KLHL33: variants seen among roughly 807,000 people sequenced by gnomAD.
The protein encoded by KLHL33 is kelch like family member 33.
In KLHL33, 46 loss-of-function variants were observed where a neutral mutation model predicts 60.8. That is an observed-to-expected ratio of 0.76 (90% confidence interval 0.60 to 0.97). The LOEUF (loss-of-function observed/expected upper bound fraction) is 0.97, where lower values mean the gene tolerates loss of function less well. Among genes scored for constraint, KLHL33 ranks in the 50% least tolerant of loss-of-function variants. The probability of loss-of-function intolerance (pLI) is 0.00; values close to 1 mark genes in which losing one functional copy is unlikely to be tolerated. For missense variants in KLHL33, 1,055 were observed against 1,000.0 expected (o/e 1.05, Z -0.74); for synonymous variants, 434 against 432.2 (o/e 1.00, Z -0.05).
In KLHL33 at chr14:20,435,452, C is replaced by T; in HGVS notation, c.360G>A (p.Ala120=). ...CCCGATGCACCCCGTATACCCGCCCCGCGACTGACACCTCTTCGTCCAGCA... is the reference window on the plus strand; with the variant it reads ...CCCGATGCACCCCGTATACCCGCCCTGCGACTGACACCTCTTCGTCCAGCA... ...RLLLDEEVSV[A]GRVYGVHRVI... Residue 120 remains alanine (A), a synonymous_variant, in exon 2 of 5, where the codon GCG becomes GCA. Transcript: ENST00000636854. The T allele has an allele frequency of 4.1e-6, 5 of 1,234,480 alleles. No individual in the cohort carries two copies. The highest frequency in any genetic ancestry group is 5.1e-6 in the Non-Finnish European group (5 of 988,212). 76.5% of individuals were successfully genotyped at this position (1,234,480 alleles called of 1,614,324 possible).
chr14:20,427,435 A>G lies in KLHL33; in HGVS notation c.*1414T>C, dbSNP rs1003547875. 7.9e-5 allele frequency: 12 copies of G among 152,208 alleles called. No homozygotes were observed. The highest frequency in any genetic ancestry group is 2.9e-4 in the African/African-American group (12 of 41,460). 9.4% of individuals were successfully genotyped at this position (152,208 alleles called of 1,614,324 possible). Reference sequence around the variant, plus strand: ...CAGAATTATCTGAAAAGCCTCTGGAATACCCACTTCCTCTTTGCTATGGAG... The same window carrying G: ...CAGAATTATCTGAAAAGCCTCTGGAGTACCCACTTCCTCTTTGCTATGGAG... On this transcript the variant is annotated 3_prime_UTR_variant, in exon 5 of 5. Coordinates refer to ENST00000636854, the MANE Select transcript of KLHL33 (RefSeq NM_001365790.2).
chr14:20,428,832 A>C lies in KLHL33; in HGVS notation c.*17T>G, dbSNP rs748251047. 6.5e-6 allele frequency: 10 copies of C among 1,541,436 alleles called. No homozygotes were observed. The highest frequency in any genetic ancestry group is 1.4e-5 in the African/African-American group (1 of 72,858). ...ATTTCTTATGCCCTCCTCTCCCCAT[A>C]CACTGTTGCTCCCTCTTCACCCAGC... On this transcript the variant is annotated 3_prime_UTR_variant, in exon 5 of 5. Coordinates refer to ENST00000636854, the MANE Select transcript of KLHL33 (RefSeq NM_001365790.2).
At position 20,427,314 on chromosome 14, in the gene KLHL33, T is replaced by C. The variant is rs1880319507; in HGVS notation, c.*1535A>G. The C allele has an allele frequency of 6.6e-6, 1 of 151,502 alleles. No individual in the cohort carries two copies. The highest frequency in any genetic ancestry group is 1.5e-5 in the Non-Finnish European group (1 of 67,944). The allele number at this position is 151,502 out of a possible 1,614,324, so 9.4% of individuals were successfully genotyped here. ...AAATGGAAAGAGCAGACAGGAAGGA[T>C]AGAGGTGAGTCATAGAGGGCGGGAA... On this transcript the variant is annotated 3_prime_UTR_variant, in exon 5 of 5. Transcript: ENST00000636854.
Position 20,435,580 on chromosome 14 carries a change from C to T in KLHL33, c.232G>A (p.Glu78Lys). The change falls in exon 2 of 5, where the codon GAG (glutamate) becomes AAG (lysine). Residue 78 changes from glutamate (E) to lysine (K), a missense_variant. Glu to Lys is a moderately conservative substitution (Grantham distance 56). Coordinates refer to ENST00000636854, the MANE Select transcript of KLHL33 (RefSeq NM_001365790.2). ...TCTGCCGCATCTTCATCTTCTTCCT[C>T]TTCCTCTTCTTCCTCTAGGGACAAG... ...PALSLEEEEE[E>K]EEDEDAAEPE... is the part of the protein sequence containing the mutation. The T allele has an allele frequency of 8.1e-7, 1 of 1,234,818 alleles. No individual in the cohort carries two copies. Among genetic ancestry groups the T allele is most frequent in the Non-Finnish European group, 1.0e-6 (1 of 988,464 alleles). The allele number at this position is 1,234,818 out of a possible 1,614,324, so 76.5% of individuals were successfully genotyped here.
Position 20,435,486 on chromosome 14 carries a change from T to C in KLHL33, c.326A>G (p.Gln109Arg). The stretch of plus-strand genomic sequence containing the variant: ...CACCTCTTCGTCCAGCAACAGTCTC[T>C]GCTCCCGCAGCCGCTGGGCCTCGGC... ...FFAEAQRLRE[Q>R]RLLLDEEVSV... The change falls in exon 2 of 5, where the codon CAG becomes CGG. Residue 109 changes from glutamine to arginine, a missense_variant. Coordinates refer to ENST00000636854, the MANE Select transcript of KLHL33 (RefSeq NM_001365790.2). 8.1e-7 allele frequency: 1 copy of C among 1,234,622 alleles called. No individual in the cohort carries two copies. The highest frequency in any genetic ancestry group is 1.0e-6 in the Non-Finnish European group (1 of 988,322). The allele number at this position is 1,234,622 out of a possible 1,614,324, so 76.5% of individuals were successfully genotyped here.
chr14:20,429,189 T>A lies in KLHL33; in HGVS notation c.2054A>T (p.Tyr685Phe). 6.4e-7 allele frequency: 1 copy of A among 1,551,554 alleles called. No homozygotes were observed. Among genetic ancestry groups the A allele is most frequent in the African/African-American group, 1.4e-5 (1 of 73,102 alleles). The change falls in exon 5 of 5, where the codon TAT (tyrosine) becomes TTT (phenylalanine). Residue 685 changes from tyrosine to phenylalanine, a missense_variant. Coordinates refer to ENST00000636854, the MANE Select transcript of KLHL33 (RefSeq NM_001365790.2). ...HVMAALGGRL[Y>F]VAGGLGETED... The stretch of plus-strand genomic sequence containing the variant: ...AGTCTCACCCAGCCCACCTGCCACA[T>A]ACAACCTCCCACCCAATGCAGCCAT...
At position 20,434,664 on chromosome 14, in the gene KLHL33, G is replaced by A. The variant is rs527637964; in HGVS notation, c.748+400C>T. On this transcript the variant is annotated intron_variant, in intron 2 of 4. Transcript: ENST00000636854. Reference sequence around the variant, plus strand: ...ACACCAAGGTGAAAGCACACATTGAGTTTTCCACCATGTTCCCCTGGCTTT... The same window carrying A: ...ACACCAAGGTGAAAGCACACATTGAATTTTCCACCATGTTCCCCTGGCTTT... 2.0e-5 allele frequency among the ~76,000 whole-genome samples: 3 copies of A among 152,338 alleles called. No individual in the cohort carries two copies. The South Asian group carries it at 6.2e-4, about 32-fold the overall frequency.
rs753056300 is a variant in KLHL33 at position 20,429,864 on chromosome 14, C to T, written c.1604G>A (p.Gly535Glu). The change falls in exon 3 of 5, where the codon GGA (glycine) becomes GAA (glutamate). Residue 535 changes from glycine (G) to glutamate (E), a missense_variant. Physicochemically the swap from Gly to Glu is moderately conservative, Grantham distance 98. Transcript: ENST00000636854. ...RFRHGAASLAGSELYVCGGQD... is the reference protein window; with the variant it reads ...RFRHGAASLAESELYVCGGQD... ...TCCCCCACACACATAGAGTTCACTT[C>T]CTGCCAGGCTTGCAGCCCCATGCCG... The T allele has an allele frequency of 9.0e-6, 14 of 1,551,874 alleles. No homozygotes were observed. The highest frequency in any genetic ancestry group is 1.2e-5 in the Non-Finnish European group (14 of 1,146,986).
chr14:20,432,635 T>C (rs1243407004), intron 2 of KLHL33, among the ~76,000 whole-genome samples: 3 of 151,920 alleles, frequency 2.0e-5, no homozygotes, highest in African/African-American at 7.3e-5. Context: ...TATTAAAAAA[T>C]TACTGGCCAG....
chr14:20,430,769 G>T (rs150773103), intron 2 of KLHL33, 50 bp from the exon 3 acceptor site: 10 of 1,289,466 alleles, frequency 7.8e-6, no homozygotes, highest in African/African-American at 1.5e-5. Context: ...TTGCAAGACC[G>T]ATAGGCATTA....
chr14:20,428,730 G>A lies in KLHL33; in HGVS notation c.*119C>T. ...CATACGTACAAAAGCAGTTTACAAT[G>A]CACAGTGTGAGAATAAAATACTACC... is the stretch of plus-strand genomic sequence containing the variant. On this transcript the variant is annotated 3_prime_UTR_variant, in exon 5 of 5. Coordinates refer to ENST00000636854, the MANE Select transcript of KLHL33 (RefSeq NM_001365790.2). 1.1e-6 allele frequency: 1 copy of A among 902,594 alleles called. No homozygotes were observed. Among genetic ancestry groups the A allele is most frequent in the South Asian group, 1.8e-5 (1 of 56,760 alleles). The allele number at this position is 902,594 out of a possible 1,614,324, so 55.9% of individuals were successfully genotyped here. A position where few individuals can be genotyped will look rare whatever the true frequency, so the allele number is the denominator to read the frequency against.
rs1423835162 is a variant in KLHL33 at position 20,426,605 on chromosome 14, A to C, written c.*2244T>G. ...GGTGGGACTGTAAACTAGTTCAACC[A>C]TTGTGGAAGTCAGTGTGGCGATTCC... On this transcript the variant is annotated 3_prime_UTR_variant, in exon 5 of 5. Transcript: ENST00000636854. 6.6e-6 allele frequency: 1 copy of C among 152,054 alleles called. No homozygotes were observed. Among genetic ancestry groups the C allele is most frequent in the Non-Finnish European group, 1.5e-5 (1 of 67,980 alleles). The allele number at this position is 152,054 out of a possible 1,614,324, so 9.4% of individuals were successfully genotyped here.
At position 20,430,192 on chromosome 14, in the gene KLHL33, CA is replaced by C. The variant is rs1291341604; in HGVS notation, c.1275del (p.Cys425TrpfsTer24). Reference sequence around the variant, plus strand: ...CTGGTGGACATGCGGCCAAAGCGGACACATCGCAGCAGGGCCTTGGCCTCTG... The same window carrying C: ...CTGGTGGACATGCGGCCAAAGCGGACCATCGCAGCAGGGCCTTGGCCTCTG... Reference protein sequence around the residue: ...QESEAKALLRCVRFGRMSTRE... With the variant: ...QESEAKALLRXVRFGRMSTRE... On this transcript the variant is annotated frameshift_variant, in exon 3 of 5. Coordinates refer to ENST00000636854, the MANE Select transcript of KLHL33 (RefSeq NM_001365790.2). LOFTEE classifies it high-confidence loss of function. The C allele has an allele frequency of 3.2e-6, 5 of 1,551,600 alleles. No homozygotes were observed. Among genetic ancestry groups the C allele is most frequent in the Non-Finnish European group, 2.6e-6 (3 of 1,147,008 alleles).
Position 20,429,087 on chromosome 14 carries a change from T to C in KLHL33, c.2156A>G (p.His719Arg). 6.4e-7 allele frequency: 1 copy of C among 1,551,628 alleles called. No individual in the cohort carries two copies. The highest frequency in any genetic ancestry group is 8.7e-7 in the Non-Finnish European group (1 of 1,146,954). The part of the protein sequence containing the change: ...WTHLAPLPSP[H>R]VGAASAVLQG... The stretch of plus-strand genomic sequence containing the variant: ...CAGCACAGCACTTGCAGCCCCCACA[T>C]GGGGGGAGGGTAGGGGTGCCAGGTG... Residue 719 changes from histidine (H) to arginine (R), a missense_variant, in exon 5 of 5, where the codon CAT (histidine) becomes CGT (arginine). Physicochemically the swap from His to Arg is conservative, Grantham distance 29 (BLOSUM62 0). Transcript: ENST00000636854.
chr14:20,430,679 C>T lies in KLHL33; in HGVS notation c.789G>A (p.Gly263=). The change falls in exon 3 of 5, where the codon GGG becomes GGA. Residue 263 remains glycine (G), a synonymous_variant. Coordinates refer to ENST00000636854, the MANE Select transcript of KLHL33 (RefSeq NM_001365790.2). ...CCCTCATCCCGCTCAGGAGCATGGC[C>T]CCAAAGAACTCACTGCCACAGGCCA... ...AALACGSEFF[G]AMLLSGMRES... is the part of the protein sequence containing the mutation. 1 of 1,532,650 alleles carries T rather than the reference C, an allele frequency of 6.5e-7. No individual in the cohort carries two copies. Among genetic ancestry groups the T allele is most frequent in the Non-Finnish European group, 8.7e-7 (1 of 1,145,272 alleles). 94.9% of individuals were successfully genotyped at this position (1,532,650 alleles called of 1,614,324 possible).
chr14:20,432,926 A>AAAGAAAGAAAGAAAGAAAG (rs1555330501), intron 2 of KLHL33, among the ~76,000 whole-genome samples: 49 of 104,736 alleles, frequency 4.7e-4, no homozygotes, highest in Non-Finnish European at 7.3e-4. Flanking sequence ...CATCTCAAAA[A>AAAGAAAGAAAGAAAGAAAG]AAAGAAAGAA....
Position 20,426,786 on chromosome 14 carries a change from T to C in KLHL33, c.*2063A>G, listed in dbSNP as rs1442593763. Reference sequence around the variant, plus strand: ...AGCAAAGACTTGGAACCAACCCAAATGTCCAACAATGATAGACCGGATTAA... The same window carrying C: ...AGCAAAGACTTGGAACCAACCCAAACGTCCAACAATGATAGACCGGATTAA... On this transcript the variant is annotated 3_prime_UTR_variant, in exon 5 of 5. Transcript: ENST00000636854. The C allele has an allele frequency of 2.0e-5, 3 of 152,084 alleles. No individual in the cohort carries two copies. Among genetic ancestry groups the C allele is most frequent in the Non-Finnish European group, 4.4e-5 (3 of 68,022 alleles). 9.4% of individuals were successfully genotyped at this position (152,084 alleles called of 1,614,324 possible). A position where few individuals can be genotyped will look rare whatever the true frequency, so the allele number is the denominator to read the frequency against.
Position 20,429,096 on chromosome 14 carries a change from G to A in KLHL33, c.2147C>T (p.Pro716Leu). 6.4e-7 allele frequency: 1 copy of A among 1,551,708 alleles called. No individual in the cohort carries two copies. Among genetic ancestry groups the A allele is most frequent in the South Asian group, 1.2e-5 (1 of 84,060 alleles). The change falls in exon 5 of 5, where the codon CCC (proline) becomes CTC (leucine). Residue 716 changes from proline (P) to leucine (L), a missense_variant. By Grantham distance (98) the Pro-to-Leu change is moderately conservative. Transcript: ENST00000636854. ...TDSWTHLAPLPSPHVGAASAV... is the reference protein window; with the variant it reads ...TDSWTHLAPLLSPHVGAASAV... Reference sequence around the variant, plus strand: ...ACTTGCAGCCCCCACATGGGGGGAGGGTAGGGGTGCCAGGTGAGTCCAGCT... The same window carrying A: ...ACTTGCAGCCCCCACATGGGGGGAGAGTAGGGGTGCCAGGTGAGTCCAGCT...
chr14:20,434,919 A>T, intron 2 of KLHL33, 145 bp downstream of exon 2: 1 of 603,784 alleles, frequency 1.7e-6, no homozygotes, highest in Non-Finnish European at 2.4e-6. Flanking sequence ...GTGGGGCAGG[A>T]GAGGCACCAA....
Sources: gnomAD v4.1 joint callset for allele counts (sites outside exome capture counted in the v4.1 genomes callset) on GRCh38, gnomAD v4.1.1 for gene constraint, MANE v1.5 for transcripts, NCBI Gene and HGNC (gene_info 2026-07-23, HGNC 2026-07-21) for gene names.